Variants in SEM1 observed in about 807,000 individuals in gnomAD.
SEM1 encodes 26S proteasome complex subunit SEM1.
Under a neutral mutation model 12.7 loss-of-function variants are expected in SEM1, and 3 were observed. That is an observed-to-expected ratio of 0.24 (90% CI 0.11 to 0.61). The LOEUF (loss-of-function observed/expected upper bound fraction) is 0.61. Ranked by LOEUF, SEM1 falls within the 20% of genes least tolerant of loss-of-function variation. The pLI is 0.88. For synonymous variants in SEM1, 30 were observed against 27.8 expected (o/e 1.08, Z -0.25); for missense variants, 59 against 81.3 (o/e 0.73, Z 1.06).
chr7:96,557,959 T>C (rs1392085903), intron 2 of SEM1, among the ~76,000 whole-genome samples: 3 of 152,160 alleles, frequency 2.0e-5, no homozygotes, highest in Non-Finnish European at 4.4e-5. Flanking sequence ...ATTTTCCAGG[T>C]GCTGTCCATC....
chr7:96,541,431 G>GGTTTTTTTTTTGTTTTT lies in SEM1; in HGVS notation c.171-34734_171-34733insAAAAACAAAAAAAAAAC, dbSNP rs1554412360. Among the ~76,000 whole-genome samples the GGTTTTTTTTTTGTTTTT allele has an allele frequency of 1.6e-5, 2 of 121,488 alleles. 1 individual carries two copies. The highest frequency in any genetic ancestry group is 3.2e-5 in the Non-Finnish European group (2 of 61,908). 79.7% of individuals were successfully genotyped at this position (121,488 alleles called of 152,430 possible). A position where few individuals can be genotyped will look rare whatever the true frequency, so the allele number is the denominator to read the frequency against. On this transcript the variant is annotated intron_variant and NMD_transcript_variant, in intron 2 of 3. Transcript: ENST00000466986. ...CATGTCTTTTCCCACTTTTTAATGG[G>GGTTTTTTTTTTGTTTTT]TTTTTTTTTTTGTTTTTTTTTTTTT...
chr7:96,570,356 C>A (rs958088057), intron 2 of SEM1, among the ~76,000 whole-genome samples: 9 of 152,032 alleles, frequency 5.9e-5, no homozygotes, highest in African/African-American at 2.2e-4. Context: ...GCCCCCCACC[C>A]CCTGACAGGC....
At chr7:96,622,268 GAAA>G, downstream of SEM1, 1 of 197,652 alleles carries the variant, frequency 5.1e-6, no homozygotes, top group Non-Finnish European at 1.0e-5. Context: ...AAAGGACATG[GAAA>G]AAAAAAATAA....
At chr7:96,571,724 A>G (rs980413428) in intron 2 of SEM1, among the ~76,000 whole-genome samples, 1 of 152,060 alleles carries the variant, frequency 6.6e-6, no homozygotes, top group Non-Finnish European at 1.5e-5. Flanking sequence ...TTTCAAATCA[A>G]TGTTCATCAG....
At chr7:96,519,478 G>C (rs750558885) in intron 2 of SEM1, among the ~76,000 whole-genome samples, 3 of 152,018 alleles carry the variant, frequency 2.0e-5, no homozygotes, top group South Asian at 2.1e-4. Flanking sequence ...ATCAAGGTAA[G>C]TGGGATTGGA....
intron 2 of SEM1, among the ~76,000 whole-genome samples, chr7:96,662,200 C>T (rs1398888974): frequency 6.6e-6 from 1 of 152,138 alleles, no homozygotes; most frequent in Non-Finnish European, 1.5e-5. Context: ...ATAAATCATT[C>T]TACTATAAAC....
intron 2 of SEM1, among the ~76,000 whole-genome samples, chr7:96,530,479 G>T (rs28526243): frequency 0.023 from 3,517 of 152,144 alleles, 70 homozygotes; most frequent in East Asian, 0.071. Context: ...GTCTGCCAGA[G>T]AACATGAGAA....
At chr7:96,571,395 G>A (rs1234411160) in intron 2 of SEM1, among the ~76,000 whole-genome samples, 1 of 151,872 alleles carries the variant, frequency 6.6e-6, no homozygotes, top group Non-Finnish European at 1.5e-5. Context: ...GTGTATGGAA[G>A]GGTTCCAGTT....
upstream of SEM1, among the ~76,000 whole-genome samples, chr7:96,498,550 C>A (rs1435995228): frequency 6.6e-6 from 1 of 152,126 alleles, no homozygotes; most frequent in Non-Finnish European, 1.5e-5. Flanking sequence ...GGGAAACTTG[C>A]AACTTAATGG....
intron 2 of SEM1, among the ~76,000 whole-genome samples, chr7:96,519,968 G>C (rs971639075): frequency 2.0e-5 from 3 of 152,080 alleles, no homozygotes; most frequent in Non-Finnish European, 4.4e-5. Flanking sequence ...TAGAAATTCG[G>C]CTCTTATCTC....
intron 2 of SEM1, among the ~76,000 whole-genome samples, chr7:96,553,975 C>T (rs893618162): frequency 6.6e-6 from 1 of 151,636 alleles, no homozygotes; most frequent in Non-Finnish European, 1.5e-5. Context: ...TGGGAGTTCA[C>T]TCATGATTTG....
intron 2 of SEM1, among the ~76,000 whole-genome samples, chr7:96,659,632 T>C (rs1325775528): frequency 6.6e-6 from 1 of 152,012 alleles, no homozygotes; most frequent in Non-Finnish European, 1.5e-5. Context: ...AGAGACAAAA[T>C]ACTGAAGATG....
At chr7:96,553,572 G>A (rs1156830198) in intron 2 of SEM1, among the ~76,000 whole-genome samples, 2 of 152,182 alleles carry the variant, frequency 1.3e-5, no homozygotes, top group Non-Finnish European at 2.9e-5. Context: ...TTTGGTACCA[G>A]TACCATGCTG....
intron 2 of SEM1, among the ~76,000 whole-genome samples, chr7:96,678,608 C>A (rs1313861719): frequency 6.6e-6 from 1 of 152,052 alleles, no homozygotes; most frequent in Admixed American, 6.6e-5. Flanking sequence ...ACTATTCTGA[C>A]TGAAACAAAA....
At chr7:96,488,131 G>A (rs77777719) in intron 1 of SEM1, among the ~76,000 whole-genome samples, 3,189 of 152,158 alleles carry the variant, frequency 0.021, 41 homozygotes, top group Non-Finnish European at 0.034. Context: ...GGGAGAGCAT[G>A]GTCTTCTTAA....
At chr7:96,496,853 C>T (rs934839958), upstream of SEM1, among the ~76,000 whole-genome samples, 2 of 151,922 alleles carry the variant, frequency 1.3e-5, no homozygotes, top group African/African-American at 4.8e-5. Context: ...CTCAATTTCC[C>T]TTCATGGGTT....
At chr7:96,663,840 G>C (rs533220331) in intron 2 of SEM1, among the ~76,000 whole-genome samples, 1 of 152,058 alleles carries the variant, frequency 6.6e-6, no homozygotes, top group Non-Finnish European at 1.5e-5. Flanking sequence ...ATTAAAAACA[G>C]GCAAAAGACA....
intron 2 of SEM1, among the ~76,000 whole-genome samples, chr7:96,518,898 A>G (rs1321942660): frequency 1.3e-5 from 2 of 152,100 alleles, no homozygotes; most frequent in African/African-American, 4.8e-5. Context: ...AAATACCCCC[A>G]CCACAAATGA....
At chr7:96,532,084 G>T (rs917270691) in intron 2 of SEM1, among the ~76,000 whole-genome samples, 1 of 151,928 alleles carries the variant, frequency 6.6e-6, no homozygotes. Context: ...ATTAGGTTCC[G>T]GGCCCTTTGA....
Sources: gnomAD v4.1 joint callset for allele counts (sites outside exome capture counted in the v4.1 genomes callset) on GRCh38, gnomAD v4.1.1 for gene constraint, MANE v1.5 for transcripts, NCBI Gene and HGNC (gene_info 2026-07-23, HGNC 2026-07-21) for gene names.